Variants in SNRPA observed in about 807,000 individuals in gnomAD.
The protein encoded by SNRPA is U1 small nuclear ribonucleoprotein A.
In SNRPA, 10 loss-of-function variants were observed where a neutral mutation model predicts 24.5. The ratio of observed to expected loss-of-function variants is 0.41; its 90% CI spans 0.25 to 0.69. SNRPA has a LOEUF of 0.69. Ranked by LOEUF, SNRPA falls within the 30% of genes least tolerant of loss-of-function variation. The pLI, the probability that SNRPA is intolerant of heterozygous loss-of-function variation, is 0.33. For synonymous variants in SNRPA, 165 were observed against 148.4 expected, an observed-to-expected ratio of 1.11 and a Z score of -0.81; for missense variants, 283 against 394.7, an observed-to-expected ratio of 0.72 and a Z score of 2.40.
intron 5 of SNRPA, among the ~76,000 whole-genome samples, 199 bp downstream of exon 5, chr19:40,763,874 G>T (rs967966340): frequency 4.6e-5 from 7 of 152,316 alleles, no homozygotes; most frequent in African/African-American, 1.7e-4. Flanking sequence ...AGGCTGGAAA[G>T]GTCTCCATGG....
rs756380978 is a variant in SNRPA, at chr19:40,763,048, C to G, written c.574C>G (p.Pro192Ala). The G allele has an allele frequency of 6.3e-7, 1 of 1,591,234 alleles. No individual in the cohort carries two copies. The highest frequency in any genetic ancestry group is 8.6e-7 in the Non-Finnish European group (1 of 1,168,558). ...GGCCATGCCCCCGCAGCAGCTTATG[C>G]CAGGACAGATGCCCCCTGCCCAGCC... ...PGAMPPQQLM[P>A]GQMPPAQPLS... Residue 192 changes from proline to alanine, a missense_variant, in exon 4 of 6, where the codon CCA becomes GCA. Transcript: ENST00000243563.
At position 40,759,464 on chromosome 19, in the gene SNRPA, A is replaced by C; in HGVS notation, c.280A>C (p.Ile94Leu). 1.2e-6 allele frequency: 2 copies of C among 1,613,556 alleles called. No homozygotes were observed. Among genetic ancestry groups the C allele is most frequent in the Non-Finnish European group, 1.7e-6 (2 of 1,179,912 alleles). Reference sequence around the variant, plus strand: ...GTATGCCAAGACCGACTCAGATATCATTGCCAAGATGAAAGGCACCTTCGT... The same window carrying C: ...GTATGCCAAGACCGACTCAGATATCCTTGCCAAGATGAAAGGCACCTTCGT... ...IQYAKTDSDI[I>L]AKMKGTFVER... Residue 94 changes from isoleucine (I) to leucine (L), a missense_variant, in exon 3 of 6, where the codon ATT (isoleucine) becomes CTT (leucine). Ile to Leu is a conservative substitution (Grantham distance 5). Transcript: ENST00000243563.
Position 40,763,670 on chromosome 19 carries a change from C to T in SNRPA, c.684C>T (p.Phe228=), listed in dbSNP as rs2082942667. 1 of 1,613,602 alleles carries T rather than the reference C, an allele frequency of 6.2e-7. No homozygotes were observed. The highest frequency in any genetic ancestry group is 1.7e-5 in the Admixed American group (1 of 60,002). The change falls in exon 5 of 6, where the codon TTC becomes TTT. Residue 228 remains phenylalanine (F), a synonymous_variant. Transcript: ENST00000243563. ...ETNELMLSML[F]NQFPGFKEVR... The stretch of plus-strand genomic sequence containing the variant: ...ACGAGCTCATGCTGTCCATGCTTTT[C>T]AATCAGTAAGTGGGGCCTGTGGCTG...
intron 3 of SNRPA, among the ~76,000 whole-genome samples, 190 bp downstream of exon 3, chr19:40,759,800 C>A (rs527615137): frequency 6.6e-6 from 1 of 152,096 alleles, no homozygotes; most frequent in Non-Finnish European, 1.5e-5. Flanking sequence ...TATCTCCTTT[C>A]GAAACTCTTG....
At chr19:40,757,633 C>A in intron 2 of SNRPA, 129 bp downstream of exon 2, 1 of 848,084 alleles carries the variant, frequency 1.2e-6, no homozygotes, top group South Asian at 1.9e-5. Context: ...TCCCACTGCA[C>A]CTTGCCTCAT....
At chr19:40,758,847 C>T (rs891461412) in intron 2 of SNRPA, 1 of 152,040 alleles carries the variant, frequency 6.6e-6, no homozygotes, top group Admixed American at 6.6e-5. Context: ...CTGCCTCAGC[C>T]TCTTGAGTAG....
chr19:40,764,102 G>A lies in SNRPA; in HGVS notation c.689+427G>A, dbSNP rs571243261. 1.7e-3 allele frequency among the ~76,000 whole-genome samples: 249 copies of A among 148,112 alleles called. 2 individuals are homozygous for A. Among genetic ancestry groups the A allele is most frequent in the South Asian group, 6.0e-3 (29 of 4,832 alleles). On this transcript the variant is annotated intron_variant, in intron 5 of 5. Coordinates refer to ENST00000243563, the MANE Select transcript of SNRPA (RefSeq NM_004596.5). The stretch of plus-strand genomic sequence containing the variant: ...GATGCGTGAAACTCTTGTGCCTGGC[G>A]TCAGGGTGGAGGCCGGTGCAGCCGA...
intron 1 of SNRPA, 25 bp from the exon 2 acceptor site, chr19:40,757,307 A>G (rs1168685469): frequency 6.2e-7 from 1 of 1,613,038 alleles, no homozygotes; most frequent in South Asian, 1.1e-5. Flanking sequence ...GGGGAGCTCA[A>G]AGGTCTTTTT....
At position 40,765,329 on chromosome 19, in the gene SNRPA, A is replaced by G. The variant is rs575503492; in HGVS notation, c.*162A>G. The G allele has an allele frequency of 7.3e-6, 3 of 411,122 alleles. No individual in the cohort carries two copies. Among genetic ancestry groups the G allele is most frequent in the Non-Finnish European group, 1.3e-5 (3 of 233,128 alleles). 25.5% of individuals were successfully genotyped at this position (411,122 alleles called of 1,614,324 possible). On this transcript the variant is annotated 3_prime_UTR_variant, in exon 6 of 6. Transcript: ENST00000243563. ...TTGTACCCAGAGTCTGTCCCCAGAC[A>G]TTGCACCTGGCGCTGTTAGGCCGGA... is the stretch of plus-strand genomic sequence containing the variant.
intron 1 of SNRPA, 114 bp downstream of exon 1, chr19:40,751,595 C>T: frequency 1.2e-6 from 1 of 800,724 alleles, no homozygotes; most frequent in Non-Finnish European, 2.2e-6. Context: ...TTCGAGTTAA[C>T]TCCTTGGCCT....
Position 40,751,236 on chromosome 19 carries a change from C to G in SNRPA, c.-173C>G, listed in dbSNP as rs1473069347. 1 of 651,944 alleles carries G rather than the reference C, an allele frequency of 1.5e-6. No individual in the cohort carries two copies. The highest frequency in any genetic ancestry group is 2.8e-6 in the Non-Finnish European group (1 of 356,426). The allele number at this position is 651,944 out of a possible 1,614,324, so 40.4% of individuals were successfully genotyped here. A position where few individuals can be genotyped will look rare whatever the true frequency, so the allele number is the denominator to read the frequency against. On this transcript the variant is annotated 5_prime_UTR_variant, in exon 1 of 6. Coordinates refer to ENST00000243563, the MANE Select transcript of SNRPA (RefSeq NM_004596.5). Reference sequence around the variant, plus strand: ...ACGCGGGCTGGAGAAGCGGGTCCTACGCACGCTTTGTTGTCGCGCTTTGCC... The same window carrying G: ...ACGCGGGCTGGAGAAGCGGGTCCTAGGCACGCTTTGTTGTCGCGCTTTGCC...
At chr19:40,764,117 G>A (rs896271578) in intron 5 of SNRPA, among the ~76,000 whole-genome samples, 2 of 152,178 alleles carry the variant, frequency 1.3e-5, no homozygotes, top group South Asian at 2.1e-4. Flanking sequence ...GGTGGAGGCC[G>A]GTGCAGCCGA....
chr19:40,760,193 T>A (rs1309773989), intron 3 of SNRPA, among the ~76,000 whole-genome samples: 1 of 152,066 alleles, frequency 6.6e-6, no homozygotes, highest in African/African-American at 2.4e-5. Context: ...CAGCTAACTT[T>A]TGCATTTTTT....
chr19:40,758,125 C>T (rs1288662913), intron 2 of SNRPA, among the ~76,000 whole-genome samples: 15 of 151,410 alleles, frequency 9.9e-5, no homozygotes, highest in African/African-American at 3.2e-4. Context: ...TGCCACCATA[C>T]CTGGCTGATT....
At chr19:40,757,204 T>C in intron 1 of SNRPA, 128 bp from the exon 2 acceptor site, 1 of 796,158 alleles carries the variant, frequency 1.3e-6, no homozygotes, top group Non-Finnish European at 2.0e-6. Flanking sequence ...CTTCTGTGAT[T>C]GTTAGGTCTT....
chr19:40,755,690 C>CTTTGTCTTA (rs2145008889), intron 1 of SNRPA, among the ~76,000 whole-genome samples: 1 of 152,310 alleles, frequency 6.6e-6, no homozygotes, highest in East Asian at 1.9e-4. Context: ...CAGCCATCTT[C>CTTTGTCTTA]TTTGCATAAG....
chr19:40,763,334 C>T (rs946562651), intron 4 of SNRPA: 23 of 593,746 alleles, frequency 3.9e-5, no homozygotes, highest in East Asian at 1.4e-4. Flanking sequence ...CGCCTCCTTA[C>T]GTGCCAGGCC....
chr19:40,760,211 C>A (rs943837003), intron 3 of SNRPA, among the ~76,000 whole-genome samples: 2 of 151,976 alleles, frequency 1.3e-5, no homozygotes, highest in Non-Finnish European at 2.9e-5. Flanking sequence ...TTTGTAGAGA[C>A]GGGGCTTAGC....
chr19:40,762,998 TTGCACC>T lies in SNRPA; in HGVS notation c.527_532del (p.Ala176_Pro177del), dbSNP rs1283995599. ...CCTGGTATGATCCCCCCGCCAGGCC[TTGCACC>T]TGGCCAGATCCCACCAGGGGCCATG... On this transcript the variant is annotated inframe_deletion, in exon 4 of 6. Transcript: ENST00000243563. 8 of 1,611,406 alleles carry T rather than the reference TTGCACC, an allele frequency of 5.0e-6. No homozygotes were observed. The highest frequency in any genetic ancestry group is 1.3e-5 in the African/African-American group (1 of 74,900).
Sources: gnomAD v4.1 joint callset for allele counts (sites outside exome capture counted in the v4.1 genomes callset) on GRCh38, gnomAD v4.1.1 for gene constraint, MANE v1.5 for transcripts, NCBI Gene and HGNC (gene_info 2026-07-23, HGNC 2026-07-21) for gene names.